FRMD4A: variants seen among roughly 807,000 people sequenced by gnomAD.
FRMD4A encodes the protein FERM domain-containing protein 4A.
In FRMD4A, 29 loss-of-function variants were observed where a neutral mutation model predicts 129.1. The ratio of observed to expected loss-of-function variants is 0.22; its 90% CI spans 0.17 to 0.31. FRMD4A has a LOEUF of 0.31. FRMD4A is among the 10% of genes least tolerant of loss of function. The pLI is 1.00. For missense variants in FRMD4A, 1,272 were observed against 1,375.8 expected, an observed-to-expected ratio of 0.92 and a Z score of 1.19; for synonymous variants, 634 against 571.6, an observed-to-expected ratio of 1.11 and a Z score of -1.56.
chr10:13,708,130 G>C (rs1042082169), intron 12 of FRMD4A, among the ~76,000 whole-genome samples: 2 of 152,232 alleles, frequency 1.3e-5, no homozygotes, highest in Non-Finnish European at 2.9e-5. Context: ...TAGGAATCTT[G>C]TTCTTGTCTT....
At chr10:14,067,297 C>CAG (rs1242439088) in intron 2 of FRMD4A, among the ~76,000 whole-genome samples, 1 of 151,866 alleles carries the variant, frequency 6.6e-6, no homozygotes, top group Admixed American at 6.5e-5. Flanking sequence ...GCCTGGGCGA[C>CAG]AGAGAGAGAG....
chr10:13,884,118 A>T (rs58579129), intron 2 of FRMD4A, among the ~76,000 whole-genome samples: 6,541 of 91,990 alleles, frequency 0.071, 327 homozygotes, highest in Non-Finnish European at 0.082. Flanking sequence ...ACACACACAC[A>T]CACTCACACA....
intron 2 of FRMD4A, among the ~76,000 whole-genome samples, chr10:13,962,759 A>G (rs559449513): frequency 6.6e-5 from 10 of 152,328 alleles, no homozygotes; most frequent in African/African-American, 2.4e-4. Flanking sequence ...TGATTCCCAC[A>G]GTGCTTTGGT....
At chr10:13,724,701 CTGGG>C (rs1378655102) in intron 12 of FRMD4A, among the ~76,000 whole-genome samples, 1 of 152,194 alleles carries the variant, frequency 6.6e-6, no homozygotes, top group African/African-American at 2.4e-5. Context: ...CGTCATCTGG[CTGGG>C]TGTTTATTTG....
In FRMD4A at chr10:14,212,175, G is replaced by C. The variant is rs191503558; in HGVS notation, c.45+117883C>G. ...GCACCACACCCCTCACCTTCCCTAT[G>C]GGATCCCCACTAACAAGGGGCCACC... On this transcript the variant is annotated intron_variant, in intron 2 of 24. Coordinates refer to ENST00000357447, the MANE Select transcript of FRMD4A (RefSeq NM_018027.5). Among the ~76,000 whole-genome samples the C allele has an allele frequency of 4.3e-4, 65 of 152,250 alleles. No individual in the cohort carries two copies. The East Asian group carries it at 8.3e-3, about 19-fold the overall frequency.
At chr10:13,980,268 A>G (rs1428330177) in intron 2 of FRMD4A, among the ~76,000 whole-genome samples, 1 of 152,220 alleles carries the variant, frequency 6.6e-6, no homozygotes, top group Non-Finnish European at 1.5e-5. Flanking sequence ...GTCTCTCCCC[A>G]GGGCCCAGTC....
At chr10:13,805,438 TAAAA>T (rs200944576) in intron 4 of FRMD4A, among the ~76,000 whole-genome samples, 1 of 151,084 alleles carries the variant, frequency 6.6e-6, no homozygotes, top group Admixed American at 6.6e-5. Context: ...TTTTTTTTCT[TAAAA>T]AAAAACCCCC....
chr10:14,056,114 C>T (rs1382638797), intron 2 of FRMD4A, among the ~76,000 whole-genome samples: 4 of 152,158 alleles, frequency 2.6e-5, no homozygotes, highest in African/African-American at 9.7e-5. Context: ...TTACTGCAAC[C>T]TCCACCTCCC....
intron 2 of FRMD4A, among the ~76,000 whole-genome samples, chr10:14,101,765 ACAACAC>A (rs1361194194): frequency 6.7e-6 from 1 of 150,020 alleles, no homozygotes; most frequent in African/African-American, 2.5e-5. Flanking sequence ...ACAACACAAC[ACAACAC>A]AACACAACAC....
intron 2 of FRMD4A, among the ~76,000 whole-genome samples, chr10:14,258,341 C>T (rs911608002): frequency 2.0e-5 from 3 of 149,552 alleles, no homozygotes; most frequent in African/African-American, 4.9e-5. Context: ...AAAGAACTCT[C>T]AAAATTATAT....
intron 5 of FRMD4A, among the ~76,000 whole-genome samples, chr10:13,783,324 T>C (rs928765873): frequency 6.6e-6 from 1 of 152,258 alleles, no homozygotes; most frequent in Non-Finnish European, 1.5e-5. Context: ...TTACATAATG[T>C]TATTTGTTTT....
chr10:14,084,443 G>A (rs757287777), intron 2 of FRMD4A, among the ~76,000 whole-genome samples: 44 of 152,170 alleles, frequency 2.9e-4, no homozygotes, highest in Non-Finnish European at 5.4e-4. Flanking sequence ...CACTGCACCC[G>A]GCTGGGGTTT....
In FRMD4A at chr10:14,196,286, C is replaced by A. The variant is rs1463858654; in HGVS notation, c.45+133772G>T. 2.0e-5 allele frequency among the ~76,000 whole-genome samples: 3 copies of A among 152,292 alleles called. No individual in the cohort carries two copies. The East Asian group carries it at 5.8e-4, about 29-fold the overall frequency. On this transcript the variant is annotated intron_variant, in intron 2 of 24. Transcript: ENST00000357447. ...AGACCAGCTATTCTGCTCAACTCAA[C>A]CTTGAGCTACTCAAACTTGACCCAC...
chr10:14,172,936 G>C (rs1468843874), intron 2 of FRMD4A, among the ~76,000 whole-genome samples: 1 of 152,114 alleles, frequency 6.6e-6, no homozygotes, highest in African/African-American at 2.4e-5. Flanking sequence ...AACAGAGATG[G>C]GAAATTCTCG....
At chr10:13,935,726 C>T (rs1238032514) in intron 2 of FRMD4A, among the ~76,000 whole-genome samples, 1 of 152,174 alleles carries the variant, frequency 6.6e-6, no homozygotes, top group African/African-American at 2.4e-5. Context: ...GCTCTTTCCA[C>T]TTACTCTCAT....
chr10:14,166,865 C>T (rs910144963), intron 2 of FRMD4A, among the ~76,000 whole-genome samples: 3 of 152,178 alleles, frequency 2.0e-5, no homozygotes, highest in African/African-American at 7.2e-5. Context: ...CCCCATGAGC[C>T]CTTAGAGAGC....
At position 14,320,218 on chromosome 10, in the gene FRMD4A, A is replaced by G. The variant is rs1239750036; in HGVS notation, c.45+9840T>C. On this transcript the variant is annotated intron_variant, in intron 2 of 24. Coordinates refer to ENST00000357447, the MANE Select transcript of FRMD4A (RefSeq NM_018027.5). ...CATGCCTGCCCATTAAGTCAGTCCA[A>G]TCCAAGAACCTGGAGAGGCTTCAGT... Among the ~76,000 whole-genome samples, 4 of 152,092 alleles carry G rather than the reference A, an allele frequency of 2.6e-5. No individual in the cohort carries two copies. The East Asian group carries it at 7.7e-4, about 29-fold the overall frequency.
chr10:13,787,841 G>A (rs1259825650), intron 5 of FRMD4A, among the ~76,000 whole-genome samples: 1 of 150,600 alleles, frequency 6.6e-6, no homozygotes, highest in Non-Finnish European at 1.5e-5. Flanking sequence ...CAGCACTTTG[G>A]GAGGCCGAGG....
intron 14 of FRMD4A, among the ~76,000 whole-genome samples, chr10:13,699,054 CTTTT>C (rs34061856): frequency 1.6e-5 from 2 of 128,190 alleles, no homozygotes; most frequent in Non-Finnish European, 1.6e-5. Context: ...CTACAATAAT[CTTTT>C]TTTTTTTTTT....
Sources: gnomAD v4.1 joint callset for allele counts (sites outside exome capture counted in the v4.1 genomes callset) on GRCh38, gnomAD v4.1.1 for gene constraint, MANE v1.5 for transcripts, NCBI Gene and HGNC (gene_info 2026-07-23, HGNC 2026-07-21) for gene names.